Variants in STX8 observed in about 807,000 individuals in gnomAD.
STX8 encodes syntaxin-8.
STX8 carries 23 observed loss-of-function variants against 37.5 expected under a neutral mutation model. The ratio of observed to expected loss-of-function variants is 0.61; its 90% CI spans 0.44 to 0.87. The LOEUF (loss-of-function observed/expected upper bound fraction) is 0.87, where lower values mean the gene tolerates loss of function less well. Ranked by LOEUF, STX8 falls within the 40% of genes least tolerant of loss-of-function variation. STX8 has a pLI of 0.00. For missense variants in STX8, 313 were observed against 284.7 expected, an observed-to-expected ratio of 1.10 and a Z score of -0.71; for synonymous variants, 115 against 99.1, an observed-to-expected ratio of 1.16 and a Z score of -0.95.
At chr17:9,257,078 G>A (rs1026445029) in intron 7 of STX8, among the ~76,000 whole-genome samples, 1 of 152,180 alleles carries the variant, frequency 6.6e-6, no homozygotes, top group Non-Finnish European at 1.5e-5. Flanking sequence ...CTGGCACCTG[G>A]CGAGGCAGAT....
At chr17:9,424,698 C>T (rs1233957435) in intron 6 of STX8, among the ~76,000 whole-genome samples, 1 of 152,130 alleles carries the variant, frequency 6.6e-6, no homozygotes. Context: ...GAACAGGTCA[C>T]TGGGGTATGG....
chr17:9,335,361 A>G (rs964638853), intron 7 of STX8, among the ~76,000 whole-genome samples: 1 of 152,226 alleles, frequency 6.6e-6, no homozygotes, highest in Non-Finnish European at 1.5e-5. Context: ...TGCGGCACTG[A>G]AAATTTATTT....
intron 6 of STX8, among the ~76,000 whole-genome samples, chr17:9,400,108 T>TTA (rs1567544448): frequency 2.7e-5 from 4 of 148,300 alleles, no homozygotes; most frequent in Non-Finnish European, 6.0e-5. Context: ...TTGTTATTAT[T>TTA]TTTTTTTTTT....
chr17:9,346,418 C>T (rs563431129), intron 7 of STX8, among the ~76,000 whole-genome samples: 1 of 152,266 alleles, frequency 6.6e-6, no homozygotes, highest in East Asian at 1.9e-4. Context: ...TCCCACTTAA[C>T]CTCAATCCTC....
intron 7 of STX8, among the ~76,000 whole-genome samples, chr17:9,326,762 G>A (rs1220286981): frequency 6.6e-6 from 1 of 152,220 alleles, no homozygotes; most frequent in Admixed American, 6.5e-5. Context: ...TCACCCATTA[G>A]CAGGGTCATG....
At chr17:9,295,396 A>G (rs528067443) in intron 7 of STX8, among the ~76,000 whole-genome samples, 122 of 152,358 alleles carry the variant, frequency 8.0e-4, no homozygotes, top group African/African-American at 2.8e-3. Flanking sequence ...CAGACATTCA[A>G]TAATTGTTTA....
chr17:9,403,836 CG>C (rs1912711456), intron 6 of STX8, among the ~76,000 whole-genome samples: 2 of 151,870 alleles, frequency 1.3e-5, no homozygotes, highest in Admixed American at 1.3e-4. Context: ...TTAGTAGAGA[CG>C]GGGTTTCACC....
chr17:9,347,192 T>G (rs1165046027), intron 7 of STX8, among the ~76,000 whole-genome samples: 1 of 151,920 alleles, frequency 6.6e-6, no homozygotes, highest in Non-Finnish European at 1.5e-5. Flanking sequence ...CTTCAGAAGT[T>G]AGATGTATCC....
chr17:9,391,799 C>T (rs1912231740), intron 6 of STX8, among the ~76,000 whole-genome samples: 3 of 151,932 alleles, frequency 2.0e-5, no homozygotes, highest in Non-Finnish European at 4.4e-5. Context: ...CTAGATTTCA[C>T]ACTGGAGAAA....
intron 2 of STX8, among the ~76,000 whole-genome samples, chr17:9,562,612 AAATAT>A (rs1448066919): frequency 0.011 from 174 of 15,638 alleles, no homozygotes; most frequent in East Asian, 0.11. Flanking sequence ...AAAAAAAAAA[AAATAT>A]ATATATATAT....
chr17:9,535,333 C>G (rs1038705582), intron 4 of STX8, among the ~76,000 whole-genome samples: 7 of 150,594 alleles, frequency 4.6e-5, no homozygotes, highest in Admixed American at 1.3e-4. Context: ...ATTGCTGGCA[C>G]AAGTCTAGAG....
chr17:9,528,359 G>A (rs577747596), intron 4 of STX8, among the ~76,000 whole-genome samples: 20 of 152,236 alleles, frequency 1.3e-4, no homozygotes, highest in East Asian at 3.9e-4. Context: ...GTGCAGTGGC[G>A]CAATCTTGGC....
rs567663914 is a variant in STX8 at position 9,563,711 on chromosome 17, A to C, written c.117+4660T>G. ...TTTATATAATTTTGACTTCTGAACAATGTAAATGTTTTACTTATTTAAAAT... is the reference window on the plus strand; with the variant it reads ...TTTATATAATTTTGACTTCTGAACACTGTAAATGTTTTACTTATTTAAAAT... On this transcript the variant is annotated intron_variant, in intron 2 of 7. Coordinates refer to ENST00000306357, the MANE Select transcript of STX8 (RefSeq NM_004853.3). Among the ~76,000 whole-genome samples the C allele has an allele frequency of 2.6e-5, 4 of 152,300 alleles. No individual in the cohort carries two copies. In the South Asian group the frequency reaches 8.3e-4, roughly 32 times the overall value.
intron 7 of STX8, among the ~76,000 whole-genome samples, chr17:9,262,864 C>T (rs967817966): frequency 4.6e-5 from 7 of 152,174 alleles, no homozygotes; most frequent in African/African-American, 1.7e-4. Flanking sequence ...TGAGCCACCA[C>T]GCTCGGCCAC....
chr17:9,463,593 G>A (rs1905483121), intron 6 of STX8, among the ~76,000 whole-genome samples: 1 of 152,084 alleles, frequency 6.6e-6, no homozygotes, highest in South Asian at 2.1e-4. Context: ...TGAACATGGT[G>A]AAACTCCGTC....
chr17:9,500,717 T>C (rs1904578189), intron 5 of STX8, among the ~76,000 whole-genome samples: 1 of 152,188 alleles, frequency 6.6e-6, no homozygotes, highest in African/African-American at 2.4e-5. Flanking sequence ...ATAAAAGATA[T>C]GAAGGCCGGG....
At chr17:9,365,996 G>C (rs1258546359) in intron 7 of STX8, among the ~76,000 whole-genome samples, 2 of 151,930 alleles carry the variant, frequency 1.3e-5, no homozygotes, top group African/African-American at 4.8e-5. Context: ...AACAAAAAGA[G>C]AGAGAGACAG....
chr17:9,518,712 C>T (rs1385150948), intron 4 of STX8, among the ~76,000 whole-genome samples: 1 of 151,746 alleles, frequency 6.6e-6, no homozygotes, highest in Admixed American at 6.6e-5. Context: ...ACTAAAAATA[C>T]AAAAAATTAG....
At chr17:9,288,136 CA>C (rs1908153205) in intron 7 of STX8, among the ~76,000 whole-genome samples, 1 of 20,750 alleles carries the variant, frequency 4.8e-5, no homozygotes, top group Non-Finnish European at 7.9e-5. Context: ...AACAAACAAA[CA>C]AACAAAAAAA....
Sources: allele counts gnomAD v4.1 joint callset (sites outside exome capture counted in the v4.1 genomes callset), GRCh38; gene constraint gnomAD v4.1.1; transcripts MANE v1.5; gene names NCBI Gene and HGNC (gene_info 2026-07-23, HGNC 2026-07-21).